The following STXBP4 variants were observed in gnomAD, a reference collection of about 807,000 sequenced individuals.
STXBP4 encodes the protein syntaxin binding protein 4.
In STXBP4, 55 loss-of-function variants were observed where a neutral mutation model predicts 76.1. The ratio of observed to expected loss-of-function variants is 0.72; its 90% confidence interval spans 0.58 to 0.91. The LOEUF is 0.91. Ranked by LOEUF, STXBP4 falls within the 40% of genes least tolerant of loss-of-function variation. STXBP4 has a pLI of 0.00. For missense variants in STXBP4, 618 were observed against 636.9 expected, an observed-to-expected ratio of 0.97 and a Z score of 0.32; for synonymous variants, 201 against 220.2, an observed-to-expected ratio of 0.91 and a Z score of 0.77.
rs1241699948 is a variant in STXBP4, at chr17:55,166,142, T to G, written c.*6231T>G. 2 of 152,164 alleles carry G rather than the reference T, an allele frequency of 1.3e-5. No homozygotes were observed. The highest frequency in any genetic ancestry group is 4.8e-5 in the African/African-American group (2 of 41,434). 9.4% of individuals were successfully genotyped at this position (152,164 alleles called of 1,614,324 possible). A position where few individuals can be genotyped will look rare whatever the true frequency, so the allele number is the denominator to read the frequency against. ...AGAGAGTGCTCCATTAAAGTAACAC[T>G]TTTGTCCTGTCTCTGCTTCTTCCTT... On this transcript the variant is annotated 3_prime_UTR_variant, in exon 18 of 18. Coordinates refer to ENST00000376352, the MANE Select transcript of STXBP4 (RefSeq NM_178509.6).
chr17:55,176,437 G>A (rs2080431194), downstream of STXBP4, among the ~76,000 whole-genome samples: 1 of 152,196 alleles, frequency 6.6e-6, no homozygotes, highest in African/African-American at 2.4e-5. Flanking sequence ...GTGTAACCAT[G>A]TAAACAGAGC....
At chr17:55,208,536 AGG>A in the STXBP4 span, among the ~76,000 whole-genome samples, 5 of 31,918 alleles carry the variant, frequency 1.6e-4, no homozygotes, top group Admixed American at 1.3e-3. Context: ...TGTTGGTGGA[AGG>A]AAGGAAGGAA....
At chr17:54,982,387 T>G (rs1199616458) in intron 1 of STXBP4, among the ~76,000 whole-genome samples, 1 of 152,184 alleles carries the variant, frequency 6.6e-6, no homozygotes, top group African/African-American at 2.4e-5. Context: ...AAGCTCTAAT[T>G]TAAGTTTTCT....
intron 10 of STXBP4, among the ~76,000 whole-genome samples, chr17:55,042,621 C>T (rs2078721385): frequency 6.6e-6 from 1 of 151,870 alleles, no homozygotes; most frequent in African/African-American, 2.4e-5. Context: ...TTGTAATTGA[C>T]GGTCAGAGAC....
chr17:55,151,201 G>A (rs2145175330), intron 17 of STXBP4, among the ~76,000 whole-genome samples: 1 of 152,294 alleles, frequency 6.6e-6, no homozygotes, highest in African/African-American at 2.4e-5. Flanking sequence ...GTGGAAATTT[G>A]TTACTGCAGT....
At chr17:55,120,578 A>C (rs1294428663) in intron 16 of STXBP4, among the ~76,000 whole-genome samples, 1 of 152,218 alleles carries the variant, frequency 6.6e-6, no homozygotes, top group African/African-American at 2.4e-5. Context: ...CAAAAATATG[A>C]AGCTCCAAGT....
At chr17:55,075,826 A>G (rs2079175265) in intron 13 of STXBP4, among the ~76,000 whole-genome samples, 1 of 152,140 alleles carries the variant, frequency 6.6e-6, no homozygotes, top group African/African-American at 2.4e-5. Context: ...GATTGCATGC[A>G]TCTCTTCTCA....
At chr17:55,132,162 TC>T (rs1273225638) in intron 16 of STXBP4, among the ~76,000 whole-genome samples, 1 of 152,214 alleles carries the variant, frequency 6.6e-6, no homozygotes, top group Non-Finnish European at 1.5e-5. Context: ...TTAAGCATAT[TC>T]TTTTACAGCC....
chr17:55,072,834 T>G, intron 12 of STXBP4, 66 bp from the exon 13 acceptor site: 2 of 1,376,162 alleles, frequency 1.5e-6, no homozygotes, highest in Non-Finnish European at 1.9e-6. Context: ...AAGGAAAATA[T>G]TTTGTATAAA....
rs1204984104 is a variant in STXBP4, at chr17:55,081,130, C to T, written c.1436C>T (p.Ala479Val). Residue 479 changes from alanine (A) to valine (V), a missense_variant, in exon 16 of 18, where the codon GCG becomes GTG. Transcript: ENST00000376352. ...RNGRSIPATL[A>V]LESKELVKSV... ...GGACGTAGCATCCCAGCAACGCTGG[C>T]GCTTGAATCTAAGGAACTTGTTAAA... is the stretch of plus-strand genomic sequence containing the variant. 6.4e-6 allele frequency: 10 copies of T among 1,553,532 alleles called. No individual in the cohort carries two copies. Among genetic ancestry groups the T allele is most frequent in the South Asian group, 1.2e-5 (1 of 82,164 alleles).
chr17:55,117,185 T>A (rs1285704698), intron 16 of STXBP4, among the ~76,000 whole-genome samples: 1 of 151,880 alleles, frequency 6.6e-6, no homozygotes, highest in Non-Finnish European at 1.5e-5. Context: ...GCAATTTTTT[T>A]AATCTATTGT....
intron 16 of STXBP4, among the ~76,000 whole-genome samples, chr17:55,113,333 A>G (rs558489320): frequency 7.2e-5 from 11 of 152,198 alleles, no homozygotes; most frequent in Admixed American, 7.2e-4. Context: ...ATGTATTTGT[A>G]TACCAAAACA....
At chr17:55,086,090 A>G (rs1027543298) in intron 16 of STXBP4, among the ~76,000 whole-genome samples, 1 of 152,200 alleles carries the variant, frequency 6.6e-6, no homozygotes, top group Non-Finnish European at 1.5e-5. Context: ...TAACTTCAGT[A>G]TCTGTCAAAC....
At chr17:55,144,050 C>T (rs866285108) in intron 17 of STXBP4, among the ~76,000 whole-genome samples, 4 of 148,856 alleles carry the variant, frequency 2.7e-5, no homozygotes, top group African/African-American at 7.4e-5. Context: ...CACACACACA[C>T]GCCTCACCAC....
chr17:55,178,755 G>T, the STXBP4 span, among the ~76,000 whole-genome samples: 2 of 152,170 alleles, frequency 1.3e-5, no homozygotes, highest in African/African-American at 2.4e-5. Context: ...GACAGCTGAG[G>T]TCCAGTTCAA....
At chr17:55,020,461 G>GTTTT (rs1430112322) in intron 8 of STXBP4, among the ~76,000 whole-genome samples, 1 of 151,992 alleles carries the variant, frequency 6.6e-6, no homozygotes, top group Non-Finnish European at 1.5e-5. Flanking sequence ...TTGTTTGTTT[G>GTTTT]TTTGTTTGTA....
At chr17:55,028,710 T>C (rs1248225270) in intron 8 of STXBP4, among the ~76,000 whole-genome samples, 1 of 152,136 alleles carries the variant, frequency 6.6e-6, no homozygotes, top group Non-Finnish European at 1.5e-5. Context: ...GTCAAAAACA[T>C]TGCTAATAAA....
At chr17:55,059,576 A>G (rs781012821) in intron 12 of STXBP4, among the ~76,000 whole-genome samples, 1 of 152,156 alleles carries the variant, frequency 6.6e-6, no homozygotes, top group Non-Finnish European at 1.5e-5. Context: ...CAGTAGCCAC[A>G]TATAAGTAGT....
At chr17:55,189,228 A>G in the STXBP4 span, among the ~76,000 whole-genome samples, 2 of 152,234 alleles carry the variant, frequency 1.3e-5, no homozygotes, top group South Asian at 4.1e-4. Flanking sequence ...AGATTAAATG[A>G]AAAGTAAATT....
Sources: gnomAD v4.1 joint callset for allele counts (sites outside exome capture counted in the v4.1 genomes callset) on GRCh38, gnomAD v4.1.1 for gene constraint, MANE v1.5 for transcripts, NCBI Gene and HGNC (gene_info 2026-07-23, HGNC 2026-07-21) for gene names.